Variants in NPHS1 observed in about 807,000 individuals in gnomAD.
The protein encoded by NPHS1 is NPHS1 adhesion molecule, nephrin, also known as nephrin.
A neutral mutation model predicts 139.7 loss-of-function variants in NPHS1; 107 were observed. The ratio of observed to expected loss-of-function variants is 0.77; its 90% CI spans 0.66 to 0.90. The LOEUF is 0.90. Among genes scored for constraint, NPHS1 ranks in the 40% least tolerant of loss-of-function variants. The probability of loss-of-function intolerance (pLI) is 0.00; values close to 1 mark genes in which losing one functional copy is unlikely to be tolerated. For missense variants in NPHS1, 1,580 were observed against 1,654.2 expected (o/e 0.96, Z 0.78); for synonymous variants, 707 against 706.6 (o/e 1.00, Z -0.01).
At chr19:35,843,645 G>A (rs1326357994) in intron 16 of NPHS1, 52 bp from the exon 17 acceptor site, 1 of 1,605,390 alleles carries the variant, frequency 6.2e-7, no homozygotes. Flanking sequence ...ACAGGTCTGG[G>A]TGTGAGAGGG....
At position 35,825,928 on chromosome 19, in the gene NPHS1, A is replaced by T. The variant is rs1972795200; in HGVS notation, c.*586T>A. ...AGCACTTAGGGACCCTCAGAATAGC[A>T]TTTTATTTTTTATTTTTATTTTATT... On this transcript the variant is annotated 3_prime_UTR_variant, in exon 29 of 29. Coordinates refer to ENST00000378910, the MANE Select transcript of NPHS1 (RefSeq NM_004646.4). 6.6e-6 allele frequency: 1 copy of T among 152,608 alleles called. No individual in the cohort carries two copies. Among genetic ancestry groups the T allele is most frequent in the African/African-American group, 2.4e-5 (1 of 41,392 alleles). 9.5% of individuals were successfully genotyped at this position (152,608 alleles called of 1,614,324 possible).
In NPHS1 at chr19:35,826,571, G is replaced by T; in HGVS notation, c.3669C>A (p.Asp1223Glu). The T allele has an allele frequency of 6.2e-7, 1 of 1,614,032 alleles. No individual in the cohort carries two copies. The highest frequency in any genetic ancestry group is 8.5e-7 in the Non-Finnish European group (1 of 1,180,002). ...GAGAATCGGGTTCCAGAGTGTCCAAGTCTCCGGCCACCTGGTCATAGATTC... is the reference window on the plus strand; with the variant it reads ...GAGAATCGGGTTCCAGAGTGTCCAATTCTCCGGCCACCTGGTCATAGATTC... ...PRGIYDQVAG[D>E]LDTLEPDSLP... The change falls in exon 29 of 29, where the codon GAC (aspartate) becomes GAA (glutamate). Residue 1223 changes from aspartate to glutamate, a missense_variant. Physicochemically the swap from Asp to Glu is conservative, Grantham distance 45 (BLOSUM62 2). Transcript: ENST00000378910.
In NPHS1 at chr19:35,825,754, A is replaced by G. The variant is rs531569980; in HGVS notation, c.*760T>C. On this transcript the variant is annotated 3_prime_UTR_variant, in exon 29 of 29. Transcript: ENST00000378910. ...TCATAGTTTATGCCTCCTGTGTTAG[A>G]TAACTGTCGGAAATAATAAAATAAT... Among the ~76,000 whole-genome samples, 19 of 152,160 alleles carry G rather than the reference A, an allele frequency of 1.2e-4. No individual in the cohort carries two copies. Among genetic ancestry groups the G allele is most frequent in the Non-Finnish European group, 2.8e-4 (19 of 68,038 alleles).
At chr19:35,835,890 A>G in intron 22 of NPHS1, 129 bp from the exon 23 acceptor site, 1 of 764,608 alleles carries the variant, frequency 1.3e-6, no homozygotes, top group South Asian at 1.5e-5. Context: ...GAATATTTCA[A>G]AGAGAGCTAG....
chr19:35,839,448 G>GA, intron 21 of NPHS1, 30 bp from the exon 22 acceptor site: 1 of 1,613,810 alleles, frequency 6.2e-7, no homozygotes, highest in South Asian at 1.1e-5. Context: ...TAAATTCAGG[G>GA]AAGTGCCCTA....
intron 23 of NPHS1, 35 bp downstream of exon 23, chr19:35,835,670 G>C: frequency 1.3e-6 from 2 of 1,595,270 alleles, no homozygotes; most frequent in Non-Finnish European, 1.7e-6. Flanking sequence ...CCATTCTCAG[G>C]GGAGCCGGGA....
In NPHS1 at chr19:35,846,205, G is replaced by A; in HGVS notation, c.1441-11C>T. 1.3e-6 allele frequency: 2 copies of A among 1,574,786 alleles called. No individual in the cohort carries two copies. The highest frequency in any genetic ancestry group is 1.7e-6 in the Non-Finnish European group (2 of 1,164,126). On this transcript the variant is annotated splice_polypyrimidine_tract_variant and intron_variant, in intron 11 of 28. Coordinates refer to ENST00000378910, the MANE Select transcript of NPHS1 (RefSeq NM_004646.4). Reference sequence around the variant, plus strand: ...CACGGTGCGCGAGTCCTACGGGCCGGGAGTGACTGGGGTTCGCAGGCAGCC... The same window carrying A: ...CACGGTGCGCGAGTCCTACGGGCCGAGAGTGACTGGGGTTCGCAGGCAGCC...
chr19:35,846,148 C>CGCCGCGACTCCTGCGGCA lies in NPHS1; in HGVS notation c.1469_1486dup (p.Leu490_Arg495dup), dbSNP rs1973137901. Reference sequence around the variant, plus strand: ...TTTCTCCACGCTGCCGAGATGCACGCGCCGCGACTCCTGCGGCAGCCGCGA... The same window carrying CGCCGCGACTCCTGCGGCA: ...TTTCTCCACGCTGCCGAGATGCACGCGCCGCGACTCCTGCGGCAGCCGCGACTCCTGCGGCAGCCGCGA... On this transcript the variant is annotated inframe_insertion, in exon 12 of 29. Transcript: ENST00000378910. The CGCCGCGACTCCTGCGGCA allele has an allele frequency of 3.1e-6, 5 of 1,597,206 alleles. No individual in the cohort carries two copies. The highest frequency in any genetic ancestry group is 1.3e-5 in the African/African-American group (1 of 74,736).
At position 35,826,334 on chromosome 19, in the gene NPHS1, T is replaced by C. The variant is rs774034614; in HGVS notation, c.*180A>G. On this transcript the variant is annotated 3_prime_UTR_variant, in exon 29 of 29. Coordinates refer to ENST00000378910, the MANE Select transcript of NPHS1 (RefSeq NM_004646.4). ...AAAGCCAACCCCAGGATGCACCTTG[T>C]TTCTACTCTGGTACCAGCTGAACCA... 1.5e-6 allele frequency: 1 copy of C among 677,106 alleles called. No homozygotes were observed. The highest frequency in any genetic ancestry group is 2.5e-6 in the Non-Finnish European group (1 of 392,244). The allele number at this position is 677,106 out of a possible 1,614,324, so 41.9% of individuals were successfully genotyped here. A position where few individuals can be genotyped will look rare whatever the true frequency, so the allele number is the denominator to read the frequency against.
chr19:35,826,330 C>T lies in NPHS1; in HGVS notation c.*184G>A. 6.0e-6 allele frequency: 4 copies of T among 661,696 alleles called. No individual in the cohort carries two copies. In the South Asian group the frequency reaches 7.5e-5, roughly 12 times the overall value. The allele number at this position is 661,696 out of a possible 1,614,324, so 41.0% of individuals were successfully genotyped here. A position where few individuals can be genotyped will look rare whatever the true frequency, so the allele number is the denominator to read the frequency against. Reference sequence around the variant, plus strand: ...TTCTAAAGCCAACCCCAGGATGCACCTTGTTTCTACTCTGGTACCAGCTGA... The same window carrying T: ...TTCTAAAGCCAACCCCAGGATGCACTTTGTTTCTACTCTGGTACCAGCTGA... On this transcript the variant is annotated 3_prime_UTR_variant, in exon 29 of 29. Transcript: ENST00000378910.
rs376954491 is a variant in NPHS1 at position 35,851,685 on chromosome 19, C to T, written c.59-13G>A. ...AACTGCGCCAGGCCTGAGGACACAG[C>T]GCGGTGCAAGGAAAGGGCAGAGGGT... is the stretch of plus-strand genomic sequence containing the variant. On this transcript the variant is annotated splice_polypyrimidine_tract_variant and intron_variant, in intron 1 of 28. Transcript: ENST00000378910. The T allele has an allele frequency of 1.8e-5, 29 of 1,607,158 alleles. No homozygotes were observed. The highest frequency in any genetic ancestry group is 1.6e-4 in the East Asian group (7 of 44,572).
rs1973134275 is a variant in NPHS1, at chr19:35,845,975, C to T, written c.1627+33G>A. 1 of 1,548,812 alleles carries T rather than the reference C, an allele frequency of 6.5e-7. No homozygotes were observed. Among genetic ancestry groups the T allele is most frequent in the Non-Finnish European group, 8.7e-7 (1 of 1,144,882 alleles). ...CCCACCTGGCTCTGTCCCTCCCGCC[C>T]CGCCCCCGGGCCTCAGCAGTGCGAG... On this transcript the variant is annotated intron_variant, in intron 12 of 28. Transcript: ENST00000378910. The surrounding 1 kb of genome is among the most constrained non-coding windows in gnomAD (Gnocchi z 5.5).
intron 28 of NPHS1, among the ~76,000 whole-genome samples, chr19:35,830,388 C>T (rs1398070599): frequency 1.3e-5 from 2 of 152,182 alleles, no homozygotes; most frequent in East Asian, 1.9e-4. Context: ...GGGCCACTCA[C>T]GTCTGACTGA....
In NPHS1 at chr19:35,852,007, A is replaced by G. The variant is rs401824; in HGVS notation, c.-170T>C. Among the ~76,000 whole-genome samples the G allele has an allele frequency of 0.16, 23,708 of 149,956 alleles. 4,242 individuals carry two copies. Among genetic ancestry groups the G allele is most frequent in the African/African-American group, 0.44 (18,252 of 41,022 alleles). ...TCCTCTTCCCCTCTTCCCTGTGAGTATCTCTCTCTGTCTTGCTCTCAGTCT... is the reference window on the plus strand; with the variant it reads ...TCCTCTTCCCCTCTTCCCTGTGAGTGTCTCTCTCTGTCTTGCTCTCAGTCT... On this transcript the variant is annotated 5_prime_UTR_variant, in exon 1 of 29. Coordinates refer to ENST00000378910, the MANE Select transcript of NPHS1 (RefSeq NM_004646.4).
Position 35,842,153 on chromosome 19 carries a change from G to C in NPHS1, c.2634C>G (p.Asn878Lys). The C allele has an allele frequency of 6.2e-7, 1 of 1,607,912 alleles. No homozygotes were observed. ...VPNIVFTWTK[N>K]GVPLDLQDPR... is the part of the protein sequence containing the mutation. ...GATCTTGGAGATCCAGAGGGACCCC[G>C]TTTTTTGTCCAAGTGAAAACGATGT... The change falls in exon 19 of 29, where the codon AAC (asparagine) becomes AAG (lysine). Residue 878 changes from asparagine (N) to lysine (K), a missense_variant. Coordinates refer to ENST00000378910, the MANE Select transcript of NPHS1 (RefSeq NM_004646.4).
chr19:35,842,585 T>A, intron 17 of NPHS1, 35 bp from the exon 18 acceptor site: 1 of 1,609,240 alleles, frequency 6.2e-7, no homozygotes, highest in Non-Finnish European at 8.5e-7. Flanking sequence ...GGCCTCCCAG[T>A]CTAGCCCCAG....
Position 35,831,497 on chromosome 19 carries a change from A to G in NPHS1, c.3290T>C (p.Ile1097Thr). ...TTACCCTGCCTCTGTCTTCTCTGAG[A>G]TGCCTGAAGGAAACAGGAATAAAGG... ...QRRLRRLAEG[I>T]SEKTEAGSEE... The change falls in exon 25 of 29, where the codon ATC (isoleucine) becomes ACC (threonine). Residue 1097 changes from isoleucine (I) to threonine (T), a missense_variant. Coordinates refer to ENST00000378910, the MANE Select transcript of NPHS1 (RefSeq NM_004646.4). 3 of 1,613,766 alleles carry G rather than the reference A, an allele frequency of 1.9e-6. No homozygotes were observed. The highest frequency in any genetic ancestry group is 1.6e-4 in the Middle Eastern group (1 of 6,062).
At chr19:35,828,852 G>C (rs899920039) in intron 28 of NPHS1, among the ~76,000 whole-genome samples, 1 of 152,356 alleles carries the variant, frequency 6.6e-6, no homozygotes, top group South Asian at 2.1e-4. Context: ...GAGTGCATAT[G>C]GTCCAGCACC....
At chr19:35,849,521 C>G (rs186892443) in intron 6 of NPHS1, 29 bp downstream of exon 6, 1 of 1,601,228 alleles carries the variant, frequency 6.2e-7, no homozygotes, top group Non-Finnish European at 8.6e-7. Context: ...CCATCCTCAG[C>G]GCCCTAGTTG....
Sources: gnomAD v4.1 joint callset for allele counts (sites outside exome capture counted in the v4.1 genomes callset) on GRCh38, gnomAD v4.1.1 for gene constraint, Gnocchi (gnomAD v3.1) non-coding constraint, MANE v1.5 for transcripts, NCBI Gene and HGNC (gene_info 2026-07-23, HGNC 2026-07-21) for gene names.